Variants in CFAP54 observed in about 807,000 individuals in gnomAD.
CFAP54 encodes the protein cilia- and flagella-associated protein 54.
In CFAP54, 290 loss-of-function variants were observed where a neutral mutation model predicts 370.4. The ratio of observed to expected loss-of-function variants is 0.78; its 90% CI spans 0.71 to 0.86. The LOEUF is 0.86. Among genes scored for constraint, CFAP54 ranks in the 40% least tolerant of loss-of-function variants. The pLI is 0.00. For synonymous variants in CFAP54, 1,206 were observed against 1,236.5 expected (o/e 0.98, Z 0.52); for missense variants, 3,399 against 3,528.7 (o/e 0.96, Z 0.93).
At chr12:96,563,107 T>A (rs1004894788) in intron 17 of CFAP54, among the ~76,000 whole-genome samples, 2 of 151,538 alleles carry the variant, frequency 1.3e-5, no homozygotes, top group East Asian at 3.9e-4. Context: ...AGGATTAGAG[T>A]TTTTTTTTAA....
intron 55 of CFAP54, among the ~76,000 whole-genome samples, chr12:96,747,735 C>T (rs902449873): frequency 2.6e-5 from 4 of 152,222 alleles, no homozygotes; most frequent in Non-Finnish European, 4.4e-5. Context: ...TATCCAAGCT[C>T]TTAGACTTCA....
chr12:96,769,154 C>T (rs1015369807), intron 60 of CFAP54, among the ~76,000 whole-genome samples: 2 of 139,436 alleles, frequency 1.4e-5, no homozygotes, highest in African/African-American at 2.8e-5. Context: ...CTACTTTGGG[C>T]CCAGTTATAT....
intron 26 of CFAP54, among the ~76,000 whole-genome samples, chr12:96,604,565 G>A (rs781592807): frequency 4.6e-5 from 7 of 152,368 alleles, no homozygotes; most frequent in East Asian, 1.9e-4. Flanking sequence ...GCCCCTAGAG[G>A]TGGAATCTAG....
chr12:96,766,011 A>G (rs1958398912), intron 60 of CFAP54, among the ~76,000 whole-genome samples: 1 of 152,118 alleles, frequency 6.6e-6, no homozygotes, highest in South Asian at 2.1e-4. Flanking sequence ...CTGACATTTC[A>G]CTAACATCCA....
At chr12:96,727,435 C>T (rs1957856728) in intron 50 of CFAP54, among the ~76,000 whole-genome samples, 1 of 145,646 alleles carries the variant, frequency 6.9e-6, no homozygotes, top group Non-Finnish European at 1.5e-5. Context: ...ATGTAATGGC[C>T]TTCTTTGTCT....
At chr12:96,718,748 A>C (rs1350828846) in intron 49 of CFAP54, among the ~76,000 whole-genome samples, 1 of 152,172 alleles carries the variant, frequency 6.6e-6, no homozygotes, top group Non-Finnish European at 1.5e-5. Context: ...GCTTCAGAAA[A>C]TATGATTCGG....
Position 96,779,107 on chromosome 12 carries a change from CAAAA to C in CFAP54, c.8282-5595_8282-5592del, listed in dbSNP as rs35990040. Among the ~76,000 whole-genome samples the C allele has an allele frequency of 1.5e-3, 158 of 103,814 alleles. 2 individuals carry two copies. Among genetic ancestry groups the C allele is most frequent in the African/African-American group, 5.3e-3 (151 of 28,656 alleles). 68.1% of individuals were successfully genotyped at this position (103,814 alleles called of 152,430 possible). ...GGGCAACACGAGTGAATCTCCATCT[CAAAA>C]AAAAAAAAAAAAAACCCACAAATTA... On this transcript the variant is annotated intron_variant, in intron 60 of 67. Transcript: ENST00000524981.
chr12:96,630,580 T>TAA lies in CFAP54; in HGVS notation c.4252_4253dup (p.Glu1419ArgfsTer4). ...CAGAAATGCAACAAAGAATAAGAAG[T>TAA]AAAAAAAAGGAAACTCTAAGAGATT... On this transcript the variant is annotated frameshift_variant, in exon 32 of 68. Coordinates refer to ENST00000524981, the MANE Select transcript of CFAP54 (RefSeq NM_001306084.2). LOFTEE classifies it high-confidence loss of function. 1 of 1,487,732 alleles carries TAA rather than the reference T, an allele frequency of 6.7e-7. No homozygotes were observed. The highest frequency in any genetic ancestry group is 2.3e-5 in the Admixed American group (1 of 43,012). 92.2% of individuals were successfully genotyped at this position (1,487,732 alleles called of 1,614,324 possible). A position where few individuals can be genotyped will look rare whatever the true frequency, so the allele number is the denominator to read the frequency against.
chr12:96,527,865 G>A (rs1432642078), intron 9 of CFAP54, among the ~76,000 whole-genome samples: 1 of 152,174 alleles, frequency 6.6e-6, no homozygotes, highest in African/African-American at 2.4e-5. Context: ...ACTGTGCCAA[G>A]CTGATATAAT....
At chr12:96,834,136 A>G (rs1478463677) in intron 66 of CFAP54, among the ~76,000 whole-genome samples, 3 of 152,134 alleles carry the variant, frequency 2.0e-5, no homozygotes, top group East Asian at 1.9e-4. Flanking sequence ...AGGGGTGAGA[A>G]AGTAGGGGTG....
chr12:96,785,484 C>A (rs375332534), intron 61 of CFAP54, among the ~76,000 whole-genome samples: 1 of 152,064 alleles, frequency 6.6e-6, no homozygotes, highest in African/African-American at 2.4e-5. Flanking sequence ...GACAATTTGA[C>A]CCATGCCAGG....
At chr12:96,502,159 G>A (rs1477134911) in intron 2 of CFAP54, among the ~76,000 whole-genome samples, 1 of 152,012 alleles carries the variant, frequency 6.6e-6, no homozygotes, top group African/African-American at 2.4e-5. Context: ...AAAGATGGCT[G>A]GTAGCTAAGG....
At position 96,837,186 on chromosome 12, in the gene CFAP54, A is replaced by G. The variant is rs76931333; in HGVS notation, c.9171+8098A>G. ...TAACCACATGCTGGTTACTGAAATA[A>G]TTCTTATTCTAGTAAGTTAACATAC... On this transcript the variant is annotated intron_variant, in intron 66 of 67. Transcript: ENST00000524981. 7.5e-3 allele frequency among the ~76,000 whole-genome samples: 1,141 copies of G among 152,284 alleles called. 12 individuals are homozygous for G. Among genetic ancestry groups the G allele is most frequent in the African/African-American group, 0.026 (1,093 of 41,564 alleles).
rs1273888104 is a variant in CFAP54, at chr12:96,626,866, C to T, written c.4030C>T (p.Leu1344=). 3.5e-6 allele frequency: 5 copies of T among 1,423,508 alleles called. No homozygotes were observed. Among genetic ancestry groups the T allele is most frequent in the Middle Eastern group, 1.8e-4 (1 of 5,500 alleles). 88.2% of individuals were successfully genotyped at this position (1,423,508 alleles called of 1,614,324 possible). Residue 1344 remains leucine (L), a synonymous_variant, in exon 30 of 68, where the codon CTA becomes TTA. Coordinates refer to ENST00000524981, the MANE Select transcript of CFAP54 (RefSeq NM_001306084.2). ...RFLEFFTQVM[L]KCMNEEKFHL... is the part of the protein sequence containing the mutation. Reference sequence around the variant, plus strand: ...TCTGGAATTCTTTACACAAGTTATGCTAAAATGCATGAATGAGGAAAAATT... The same window carrying T: ...TCTGGAATTCTTTACACAAGTTATGTTAAAATGCATGAATGAGGAAAAATT...
intron 15 of CFAP54, among the ~76,000 whole-genome samples, chr12:96,550,657 T>C (rs879359585): frequency 6.6e-6 from 1 of 152,192 alleles, no homozygotes; most frequent in Non-Finnish European, 1.5e-5. Flanking sequence ...CTGAACATCC[T>C]CCTGGGAGAA....
At chr12:96,833,890 T>G (rs1959178205) in intron 66 of CFAP54, among the ~76,000 whole-genome samples, 1 of 152,258 alleles carries the variant, frequency 6.6e-6, no homozygotes, top group African/African-American at 2.4e-5. Context: ...TTTTAAATAT[T>G]TAATATGACA....
chr12:96,655,449 T>A lies in CFAP54; in HGVS notation c.5101-2433T>A, dbSNP rs145395531. On this transcript the variant is annotated intron_variant, in intron 36 of 67. Coordinates refer to ENST00000524981, the MANE Select transcript of CFAP54 (RefSeq NM_001306084.2). ...GAAAGGATGTTGGAATTAGAATTAC[T>A]AGGTTTCTGTAATTCTTAATGAATG... Among the ~76,000 whole-genome samples, 716 of 152,290 alleles carry A rather than the reference T, an allele frequency of 4.7e-3. 4 individuals carry two copies. The highest frequency in any genetic ancestry group is 0.016 in the African/African-American group (680 of 41,568).
chr12:96,785,021 A>C lies in CFAP54; in HGVS notation c.8455+131A>C, dbSNP rs149384422. On this transcript the variant is annotated intron_variant, in intron 61 of 67. Coordinates refer to ENST00000524981, the MANE Select transcript of CFAP54 (RefSeq NM_001306084.2). Reference sequence around the variant, plus strand: ...ACTGTCATCAGAAGATGAAAATTTCATGGGTTCTTAACCTGGGATACATGC... The same window carrying C: ...ACTGTCATCAGAAGATGAAAATTTCCTGGGTTCTTAACCTGGGATACATGC... 447 of 704,014 alleles carry C rather than the reference A, an allele frequency of 6.3e-4. 7 individuals are homozygous for C. The African/African-American group carries it at 7.4e-3, about 12-fold the overall frequency. The allele number at this position is 704,014 out of a possible 1,614,324, so 43.6% of individuals were successfully genotyped here.
In CFAP54 at chr12:96,688,906, A is replaced by G; in HGVS notation, c.6015-10A>G. ...CTACTAATCAATTTTTTTTTCTTAT[A>G]CTTACTTAGATTTATTAAGTCATTG... On this transcript the variant is annotated splice_polypyrimidine_tract_variant and intron_variant, in intron 42 of 67. Transcript: ENST00000524981. The G allele has an allele frequency of 6.5e-7, 1 of 1,527,554 alleles. No homozygotes were observed. Among genetic ancestry groups the G allele is most frequent in the South Asian group, 1.2e-5 (1 of 81,442 alleles). The allele number at this position is 1,527,554 out of a possible 1,614,324, so 94.6% of individuals were successfully genotyped here. A position where few individuals can be genotyped will look rare whatever the true frequency, so the allele number is the denominator to read the frequency against.
Sources: allele counts gnomAD v4.1 joint callset (sites outside exome capture counted in the v4.1 genomes callset), GRCh38; gene constraint gnomAD v4.1.1; transcripts MANE v1.5; gene names NCBI Gene and HGNC (gene_info 2026-07-23, HGNC 2026-07-21).